ITFG2: variants seen among roughly 807,000 people sequenced by gnomAD.
ITFG2 encodes the protein KICSTOR complex protein ITFG2.
A neutral mutation model predicts 54.4 loss-of-function variants in ITFG2; 36 were observed. That is an observed-to-expected ratio of 0.66 (90% CI 0.51 to 0.87). ITFG2 has a LOEUF of 0.87. Among genes scored for constraint, ITFG2 ranks in the 40% least tolerant of loss-of-function variants. ITFG2 has a pLI of 0.00. For synonymous variants in ITFG2, 211 were observed against 225.4 expected (o/e 0.94, Z 0.57); for missense variants, 524 against 576.7 (o/e 0.91, Z 0.94).
At position 2,818,087 on chromosome 12, in the gene ITFG2, A is replaced by G; in HGVS notation, c.235-19A>G. Reference sequence around the variant, plus strand: ...ACTCCCTCCCCAGTCCATCTCTACTATACCTCTGTTTGTCCTAGAACCTGT... The same window carrying G: ...ACTCCCTCCCCAGTCCATCTCTACTGTACCTCTGTTTGTCCTAGAACCTGT... On this transcript the variant is annotated intron_variant, in intron 3 of 11. Transcript: ENST00000228799. The G allele has an allele frequency of 6.2e-7, 1 of 1,613,360 alleles. No homozygotes were observed. The highest frequency in any genetic ancestry group is 1.1e-5 in the South Asian group (1 of 91,076).
At position 2,824,403 on chromosome 12, in the gene ITFG2, C is replaced by A; in HGVS notation, c.*210C>A. On this transcript the variant is annotated 3_prime_UTR_variant, in exon 12 of 12. Transcript: ENST00000228799. ...AAGAAGAGACAAGTTGACCCTCTGCCCATTTCCTTATGGACCTCACCCATC... is the reference window on the plus strand; with the variant it reads ...AAGAAGAGACAAGTTGACCCTCTGCACATTTCCTTATGGACCTCACCCATC... 1 of 642,950 alleles carries A rather than the reference C, an allele frequency of 1.6e-6. No homozygotes were observed. Among genetic ancestry groups the A allele is most frequent in the South Asian group, 1.6e-5 (1 of 61,970 alleles). 39.8% of individuals were successfully genotyped at this position (642,950 alleles called of 1,614,324 possible).
At chr12:2,814,114 T>G (rs2097916063) in intron 1 of ITFG2, among the ~76,000 whole-genome samples, 1 of 152,106 alleles carries the variant, frequency 6.6e-6, no homozygotes, top group South Asian at 2.1e-4. Flanking sequence ...TGGCTAATTT[T>G]TTTAAAGTTT....
chr12:2,855,601 C>G lies in ITFG2; in HGVS notation n.301-2411C>G, dbSNP rs577541305. 9.2e-5 allele frequency among the ~76,000 whole-genome samples: 14 copies of G among 152,346 alleles called. No homozygotes were observed. The South Asian group carries it at 2.9e-3, about 32-fold the overall frequency. Reference sequence around the variant, plus strand: ...TCCTGGCAGGGCCGCATCTCCATCCCTCTCCTTCCCGGCGGAAGTTATGGC... The same window carrying G: ...TCCTGGCAGGGCCGCATCTCCATCCGTCTCCTTCCCGGCGGAAGTTATGGC... On this transcript the variant is annotated intron_variant and non_coding_transcript_variant, in intron 2 of 3. Transcript: ENST00000537710.
chr12:2,834,562 TG>T, upstream of ITFG2: 1 of 1,507,900 alleles, frequency 6.6e-7, no homozygotes, highest in Non-Finnish European at 8.8e-7. Flanking sequence ...CTGCACTTTC[TG>T]GTCCTGCCTC....
chr12:2,858,818 G>T, intron 3 of ITFG2: 11 of 1,614,222 alleles, frequency 6.8e-6, no homozygotes, highest in Non-Finnish European at 9.3e-6. Flanking sequence ...GTGGCTCCGG[G>T]GAGCCTGGCT....
intron 3 of ITFG2, chr12:2,858,348 C>T (rs1421470866): frequency 7.7e-6 from 3 of 391,640 alleles, no homozygotes; most frequent in Non-Finnish European, 1.4e-5. Context: ...GACTGCTGGG[C>T]AGAGAATGGA....
Position 2,817,167 on chromosome 12 carries a change from C to T in ITFG2, c.97-56C>T, listed in dbSNP as rs964370666. 11 of 1,148,946 alleles carry T rather than the reference C, an allele frequency of 9.6e-6. No homozygotes were observed. In the Admixed American group the frequency reaches 1.9e-4, roughly 19 times the overall value. The allele number at this position is 1,148,946 out of a possible 1,614,324, so 71.2% of individuals were successfully genotyped here. A position where few individuals can be genotyped will look rare whatever the true frequency, so the allele number is the denominator to read the frequency against. On this transcript the variant is annotated intron_variant, in intron 1 of 11. Coordinates refer to ENST00000228799, the MANE Select transcript of ITFG2 (RefSeq NM_018463.4). ...CTTGGCTAGGCTAAGTAGAGAAGAG[C>T]TTGAAGAGGTTCAGCAGAGTCCCAT... is the stretch of plus-strand genomic sequence containing the variant.
At chr12:2,851,097 G>A (rs1365898909) in intron 2 of ITFG2, among the ~76,000 whole-genome samples, 1 of 149,846 alleles carries the variant, frequency 6.7e-6, no homozygotes, top group African/African-American at 2.5e-5. Context: ...AACCCAGGAG[G>A]CAGTGAGCAG....
At chr12:2,848,942 G>A in intron 2 of ITFG2, 1 of 401,418 alleles carries the variant, frequency 2.5e-6, no homozygotes, top group African/African-American at 2.1e-5. Flanking sequence ...CTCTCCTTAG[G>A]AACTGGAGCC....
chr12:2,859,122 T>G (rs749248133), intron 3 of ITFG2: 1 of 1,606,098 alleles, frequency 6.2e-7, no homozygotes, highest in Non-Finnish European at 8.5e-7. Context: ...CAGCGTTTCC[T>G]TAATGGGTGT....
chr12:2,819,638 A>AT (rs1555080338), intron 4 of ITFG2: 79 of 152,500 alleles, frequency 5.2e-4, no homozygotes, highest in South Asian at 1.2e-3. Context: ...AAAAAAAAAA[A>AT]ATATATAGTA....
upstream of ITFG2, among the ~76,000 whole-genome samples, chr12:2,832,776 AGACT>A (rs1210399635): frequency 1.3e-5 from 2 of 149,434 alleles, no homozygotes; most frequent in Non-Finnish European, 3.0e-5. Context: ...TGCTTGCTGC[AGACT>A]GACTCTTCCC....
chr12:2,818,978 A>C (rs2097932526), intron 4 of ITFG2, among the ~76,000 whole-genome samples: 1 of 152,080 alleles, frequency 6.6e-6, no homozygotes. Flanking sequence ...GGATCATGCC[A>C]CTGCACTCTA....
chr12:2,848,877 G>GCACA (rs3056877), intron 2 of ITFG2, among the ~76,000 whole-genome samples: 24,887 of 140,158 alleles, frequency 0.18, 2,303 homozygotes, highest in Middle Eastern at 0.23. Context: ...ACACACACAC[G>GCACA]CACACACACA....
chr12:2,827,568 G>A (rs965188247), downstream of ITFG2: 5 of 1,613,124 alleles, frequency 3.1e-6, no homozygotes, highest in Non-Finnish European at 4.2e-6. The surrounding 1 kb of genome is among the most constrained non-coding windows in gnomAD (Gnocchi z 4.0). Context: ...TTCCACACCT[G>A]TGCCTTCTAC....
intron 3 of ITFG2, chr12:2,859,187 G>A (rs755898214): frequency 6.2e-7 from 1 of 1,610,594 alleles, no homozygotes; most frequent in Non-Finnish European, 8.5e-7. Flanking sequence ...CAGGGTCAGA[G>A]GAGTCTGCTG....
intron 5 of ITFG2, 31 bp from the exon 6 acceptor site, chr12:2,820,693 C>G (rs199914287): frequency 1.4e-6 from 2 of 1,454,414 alleles, no homozygotes; most frequent in East Asian, 6.4e-5. Context: ...CTTCTCTCTC[C>G]GTCTCCCTTT....
At chr12:2,829,733 C>G (rs2097990384), downstream of ITFG2, among the ~76,000 whole-genome samples, 1 of 152,008 alleles carries the variant, frequency 6.6e-6, no homozygotes, top group South Asian at 2.1e-4. Context: ...TGCCACTACA[C>G]TCCAGCCTGG....
intron 1 of ITFG2, among the ~76,000 whole-genome samples, chr12:2,816,251 G>A (rs143146282): frequency 0.015 from 2,321 of 151,238 alleles, 57 homozygotes; most frequent in African/African-American, 0.054. Context: ...GGCTGGTCTC[G>A]AACTCCTGAC....
Sources: gnomAD v4.1 joint callset for allele counts (sites outside exome capture counted in the v4.1 genomes callset) on GRCh38, gnomAD v4.1.1 for gene constraint, Gnocchi (gnomAD v3.1) non-coding constraint, MANE v1.5 for transcripts, NCBI Gene and HGNC (gene_info 2026-07-23, HGNC 2026-07-21) for gene names.